LRRC7: variants seen among roughly 807,000 people sequenced by gnomAD.
The protein encoded by LRRC7 is leucine-rich repeat-containing protein 7.
A neutral mutation model predicts 175.7 loss-of-function variants in LRRC7; 23 were observed. The observed-to-expected ratio is 0.13, with a 90% CI of 0.09 to 0.19. The LOEUF (loss-of-function observed/expected upper bound fraction) is 0.19. Among genes scored for constraint, LRRC7 ranks in the 10% least tolerant of loss-of-function variants. The pLI is 1.00. For missense variants in LRRC7, 1,354 were observed against 1,904.7 expected (o/e 0.71, Z 5.38); for synonymous variants, 685 against 680.9 (o/e 1.01, Z -0.09).
intron 1 of LRRC7, among the ~76,000 whole-genome samples, chr1:69,654,165 C>A (rs1183715278): frequency 6.6e-6 from 1 of 150,704 alleles, no homozygotes; most frequent in Non-Finnish European, 1.5e-5. Context: ...CTAGAATAGG[C>A]ATGATACTAA....
chr1:69,864,794 G>C (rs1247461527), intron 7 of LRRC7, among the ~76,000 whole-genome samples: 1 of 152,136 alleles, frequency 6.6e-6, no homozygotes, highest in Non-Finnish European at 1.5e-5. Context: ...CTAACAAGCA[G>C]AGTCAATACC....
intron 1 of LRRC7, among the ~76,000 whole-genome samples, chr1:69,601,554 G>A (rs183686820): frequency 2.0e-5 from 3 of 152,240 alleles, no homozygotes; most frequent in Non-Finnish European, 2.9e-5. Flanking sequence ...GGTTACTTGT[G>A]CCTTTAGTGT....
At chr1:69,981,579 A>G (rs552019794) in intron 9 of LRRC7, among the ~76,000 whole-genome samples, 5 of 152,302 alleles carry the variant, frequency 3.3e-5, no homozygotes, top group Admixed American at 3.3e-4. Flanking sequence ...AAGATAATAC[A>G]TTCAATGACC....
rs1275691910 is a variant in LRRC7, at chr1:70,135,788, T to C, written c.*13901T>C. ...CCCTGTAATATTTGTCTATACTGTC[T>C]TGATTGTTTTAAACCAGCCATCTTT... On this transcript the variant is annotated 3_prime_UTR_variant, in exon 27 of 27. Coordinates refer to ENST00000651989, the MANE Select transcript of LRRC7 (RefSeq NM_001370785.2). Among the ~76,000 whole-genome samples, 1 of 152,228 alleles carries C rather than the reference T, an allele frequency of 6.6e-6. No homozygotes were observed. The highest frequency in any genetic ancestry group is 2.4e-5 in the African/African-American group (1 of 41,458).
chr1:70,007,150 T>C (rs143969372), intron 11 of LRRC7, among the ~76,000 whole-genome samples: 1,808 of 152,196 alleles, frequency 0.012, 26 homozygotes, highest in Non-Finnish European at 0.014. Flanking sequence ...CTTCCAGCCC[T>C]CTAATCACAA....
chr1:69,729,917 T>A (rs1047121456), intron 2 of LRRC7, among the ~76,000 whole-genome samples: 2 of 152,224 alleles, frequency 1.3e-5, no homozygotes, highest in Non-Finnish European at 2.9e-5. Context: ...TTTTCAGACA[T>A]CCTCTGAAAT....
At chr1:69,825,522 T>C (rs907234632) in intron 4 of LRRC7, among the ~76,000 whole-genome samples, 6 of 152,022 alleles carry the variant, frequency 3.9e-5, no homozygotes, top group Non-Finnish European at 8.8e-5. Flanking sequence ...TTTAAACTTT[T>C]ATTATAAAAT....
At chr1:69,930,069 TTCTC>T (rs66673261) in intron 7 of LRRC7, among the ~76,000 whole-genome samples, 54,639 of 151,830 alleles carry the variant, frequency 0.36, 12,013 homozygotes, top group East Asian at 0.55. Flanking sequence ...CTTATATGAA[TTCTC>T]TCTATCTACC....
chr1:70,067,861 A>AT (rs1320862217), intron 23 of LRRC7, among the ~76,000 whole-genome samples: 1 of 152,048 alleles, frequency 6.6e-6, no homozygotes, highest in Non-Finnish European at 1.5e-5. Flanking sequence ...TAAGTATTGC[A>AT]TTTTTTGAAT....
intron 25 of LRRC7, among the ~76,000 whole-genome samples, chr1:70,094,023 C>G (rs188370221): frequency 6.6e-6 from 1 of 151,768 alleles, no homozygotes; most frequent in African/African-American, 2.4e-5. Flanking sequence ...CATGTTCTTC[C>G]TTGCTCCATC....
chr1:69,963,316 AAAAG>A (rs969051641), intron 8 of LRRC7, among the ~76,000 whole-genome samples: 24 of 151,552 alleles, frequency 1.6e-4, no homozygotes, highest in South Asian at 6.3e-4. Flanking sequence ...AAAAAAAAAA[AAAAG>A]AAAGAAAGAA....
intron 24 of LRRC7, among the ~76,000 whole-genome samples, chr1:70,084,524 A>G (rs140756955): frequency 9.2e-4 from 140 of 152,316 alleles, no homozygotes; most frequent in African/African-American, 3.3e-3. Flanking sequence ...GTATGGATAT[A>G]CCACATTTTG....
At chr1:69,672,207 GA>G (rs1158821586) in intron 1 of LRRC7, among the ~76,000 whole-genome samples, 1 of 151,988 alleles carries the variant, frequency 6.6e-6, no homozygotes, top group African/African-American at 2.4e-5. Flanking sequence ...ATGATCGGTG[GA>G]GCCTATTTGG....
chr1:70,036,747 C>A, intron 20 of LRRC7, 123 bp downstream of exon 20: 1 of 1,010,692 alleles, frequency 9.9e-7, no homozygotes, highest in African/African-American at 1.6e-5. Flanking sequence ...ACAGAAGGGG[C>A]AGGTAAGCAA....
At chr1:69,991,490 A>G (rs17446829) in intron 10 of LRRC7, among the ~76,000 whole-genome samples, 7,092 of 152,262 alleles carry the variant, frequency 0.047, 174 homozygotes, top group South Asian at 0.1. Context: ...CAGAGTTGCC[A>G]CAGTCCCTGA....
chr1:70,111,815 C>T (rs1385446659), intron 26 of LRRC7, among the ~76,000 whole-genome samples: 3 of 152,066 alleles, frequency 2.0e-5, no homozygotes, highest in Non-Finnish European at 4.4e-5. Flanking sequence ...CTTCATTTAC[C>T]CACCCCCATC....
chr1:69,885,760 A>G (rs1438348145), intron 7 of LRRC7, among the ~76,000 whole-genome samples: 4 of 139,618 alleles, frequency 2.9e-5, no homozygotes, highest in Non-Finnish European at 3.1e-5. Context: ...ATTTAGTGCT[A>G]TAAATTTCCC....
chr1:69,734,373 G>T (rs1041032225), intron 2 of LRRC7, among the ~76,000 whole-genome samples: 2 of 151,702 alleles, frequency 1.3e-5, no homozygotes, highest in African/African-American at 2.4e-5. Flanking sequence ...ACATAGCAAA[G>T]ATTTTTTAAA....
chr1:69,692,069 T>C (rs930121623), intron 2 of LRRC7, among the ~76,000 whole-genome samples: 3 of 152,180 alleles, frequency 2.0e-5, no homozygotes, highest in Non-Finnish European at 4.4e-5. Flanking sequence ...TTTTTCATAA[T>C]ATACTCTAGA....
Sources: allele counts gnomAD v4.1 joint callset (sites outside exome capture counted in the v4.1 genomes callset), GRCh38; gene constraint gnomAD v4.1.1; transcripts MANE v1.5; gene names NCBI Gene and HGNC (gene_info 2026-07-23, HGNC 2026-07-21).